Variants in SGSM3 observed in about 807,000 individuals in gnomAD.
SGSM3 encodes small G protein signaling modulator 3.
A neutral mutation model predicts 100.5 loss-of-function variants in SGSM3; 96 were observed. The ratio of observed to expected loss-of-function variants is 0.96; its 90% CI spans 0.81 to 1.13. The LOEUF is 1.13. SGSM3 is among the 50% of genes most tolerant of loss of function. SGSM3 has a pLI of 0.00. For synonymous variants in SGSM3, 483 were observed against 422.8 expected (o/e 1.14, Z -1.75); for missense variants, 1,001 against 1,015.8 (o/e 0.99, Z 0.20).
chr22:40,409,923 G>A lies in SGSM3; in HGVS notation c.*164G>A. Reference sequence around the variant, plus strand: ...CCCCAGCACATCCCAGGTGGTGGGAGCAGAGGGTACCCTGCCCCACCAGGG... The same window carrying A: ...CCCCAGCACATCCCAGGTGGTGGGAACAGAGGGTACCCTGCCCCACCAGGG... On this transcript the variant is annotated 3_prime_UTR_variant, in exon 22 of 22. Coordinates refer to ENST00000248929, the MANE Select transcript of SGSM3 (RefSeq NM_015705.6). 1 of 1,410,550 alleles carries A rather than the reference G, an allele frequency of 7.1e-7. No individual in the cohort carries two copies. The highest frequency in any genetic ancestry group is 9.2e-7 in the Non-Finnish European group (1 of 1,088,592). 87.4% of individuals were successfully genotyped at this position (1,410,550 alleles called of 1,614,324 possible).
At chr22:40,383,164 T>G (rs913978848) in intron 1 of SGSM3, among the ~76,000 whole-genome samples, 3 of 151,990 alleles carry the variant, frequency 2.0e-5, no homozygotes, top group Admixed American at 6.6e-5. Flanking sequence ...ACTAGTAAAG[T>G]GAGATAGAAG....
At chr22:40,408,156 C>A in intron 15 of SGSM3, 36 bp downstream of exon 15, 1 of 1,610,340 alleles carries the variant, frequency 6.2e-7, no homozygotes, top group Non-Finnish European at 8.5e-7. Flanking sequence ...CGGCTGGCAC[C>A]CTTCTAGCCA....
rs1364216379 is a variant in SGSM3, at chr22:40,406,180, C to T, written c.917C>T (p.Ser306Phe). 1.9e-6 allele frequency: 3 copies of T among 1,614,004 alleles called. No individual in the cohort carries two copies. The highest frequency in any genetic ancestry group is 2.7e-5 in the African/African-American group (2 of 74,940). ...RIWDLFFYEGSRVLFQLTLGM... is the reference protein window; with the variant it reads ...RIWDLFFYEGFRVLFQLTLGM... ...TGGGACCTGTTTTTCTACGAGGGCT[C>T]CCGGGTGCTGTTCCAGCTCACGCTG... Residue 306 changes from serine (S) to phenylalanine (F), a missense_variant, in exon 9 of 22, where the codon TCC becomes TTC. Physicochemically the swap from Ser to Phe is radical, Grantham distance 155. Transcript: ENST00000248929.
intron 1 of SGSM3, 57 bp from the exon 2 acceptor site, chr22:40,400,639 G>A: frequency 1.5e-6 from 1 of 675,936 alleles, no homozygotes; most frequent in Non-Finnish European, 2.4e-6. Context: ...GCGAGACTCT[G>A]TCTAAAAAAA....
chr22:40,410,079 T>TATAA lies in SGSM3; in HGVS notation c.*326_*329dup, dbSNP rs1357441283. 1.1e-5 allele frequency: 14 copies of TATAA among 1,235,854 alleles called. No individual in the cohort carries two copies. Among genetic ancestry groups the TATAA allele is most frequent in the South Asian group, 8.1e-5 (3 of 37,006 alleles). 76.6% of individuals were successfully genotyped at this position (1,235,854 alleles called of 1,614,324 possible). ...TAGTAGGCTCCTGGCCTCTTTGGTT[T>TATAA]ATAAATAAACTGTGTCTGTCTTTGA... On this transcript the variant is annotated 3_prime_UTR_variant, in exon 22 of 22. Coordinates refer to ENST00000248929, the MANE Select transcript of SGSM3 (RefSeq NM_015705.6).
intron 1 of SGSM3, among the ~76,000 whole-genome samples, chr22:40,396,145 G>C (rs2050018945): frequency 6.6e-6 from 1 of 151,944 alleles, no homozygotes; most frequent in African/African-American, 2.4e-5. Flanking sequence ...ATCTATAGAA[G>C]CCACATTAAT....
chr22:40,393,399 G>A (rs560866811), intron 1 of SGSM3, among the ~76,000 whole-genome samples: 50 of 152,384 alleles, frequency 3.3e-4, no homozygotes, highest in African/African-American at 1.1e-3. Flanking sequence ...GATTATAGGC[G>A]TGAGCCACTG....
Position 40,404,283 on chromosome 22 carries a change from C to A in SGSM3, c.194C>A (p.Ser65Tyr). Residue 65 changes from serine (S) to tyrosine (Y), a missense_variant, in exon 5 of 22, where the codon TCC becomes TAC. Physicochemically the swap from Ser to Tyr is moderately radical, Grantham distance 144. Transcript: ENST00000248929. ...CCTGGCTCCAGTCTGCTGGCGAACT[C>A]CCCTCTGATGGAGGATGCTCCACAG... ...DEPGSSLLANSPLMEDAPQRL... is the reference protein window; with the variant it reads ...DEPGSSLLANYPLMEDAPQRL... 6.5e-7 allele frequency: 1 copy of A among 1,528,722 alleles called. No homozygotes were observed. Among genetic ancestry groups the A allele is most frequent in the Non-Finnish European group, 8.8e-7 (1 of 1,137,608 alleles). The allele number at this position is 1,528,722 out of a possible 1,614,324, so 94.7% of individuals were successfully genotyped here. A position where few individuals can be genotyped will look rare whatever the true frequency, so the allele number is the denominator to read the frequency against.
At position 40,410,195 on chromosome 22, in the gene SGSM3, C is replaced by T; in HGVS notation, c.*436C>T. On this transcript the variant is annotated 3_prime_UTR_variant, in exon 22 of 22. Coordinates refer to ENST00000248929, the MANE Select transcript of SGSM3 (RefSeq NM_015705.6). The stretch of plus-strand genomic sequence containing the variant: ...CCTTCCTTGAGTGGTCTAGAAGGCA[C>T]TGCGTGGCCCCTCAGATGCTGGGAC... The T allele has an allele frequency of 1.9e-6, 2 of 1,065,292 alleles. No individual in the cohort carries two copies. Among genetic ancestry groups the T allele is most frequent in the Non-Finnish European group, 2.3e-6 (2 of 880,698 alleles). 66.0% of individuals were successfully genotyped at this position (1,065,292 alleles called of 1,614,324 possible).
chr22:40,402,306 T>G (rs2050858184), intron 4 of SGSM3, 101 bp downstream of exon 4: 2 of 874,744 alleles, frequency 2.3e-6, no homozygotes, highest in Admixed American at 3.5e-5. Flanking sequence ...TGAGCTCTGA[T>G]GCGTCAGGGT....
chr22:40,372,119 CCCCT>C (rs2045648813), intron 1 of SGSM3, among the ~76,000 whole-genome samples: 1 of 120,594 alleles, frequency 8.3e-6, no homozygotes, highest in Non-Finnish European at 1.7e-5. Flanking sequence ...CTGTCCCCCC[CCCCT>C]TTTTTTTTTT....
At position 40,407,899 on chromosome 22, in the gene SGSM3, A is replaced by C; in HGVS notation, c.1579+56A>C. Reference sequence around the variant, plus strand: ...AGAGGGAGGAGGGGGTGGGCACAGAAGACTTGGGTGACCCTGGCCGCCACC... The same window carrying C: ...AGAGGGAGGAGGGGGTGGGCACAGACGACTTGGGTGACCCTGGCCGCCACC... On this transcript the variant is annotated intron_variant, in intron 14 of 21. Transcript: ENST00000248929. This position sits in a 1 kb window ranked among gnomAD's most constrained non-coding sequence, Gnocchi z 4.7. 1 of 1,547,808 alleles carries C rather than the reference A, an allele frequency of 6.5e-7. No homozygotes were observed. Among genetic ancestry groups the C allele is most frequent in the East Asian group, 2.3e-5 (1 of 44,408 alleles).
intron 1 of SGSM3, among the ~76,000 whole-genome samples, chr22:40,380,354 A>C (rs1366181505): frequency 6.7e-6 from 1 of 149,914 alleles, no homozygotes; most frequent in Non-Finnish European, 1.5e-5. Context: ...TTTAACCATG[A>C]ATATCTATAA....
chr22:40,408,849 G>C lies in SGSM3; in HGVS notation c.1902+7G>C. Reference sequence around the variant, plus strand: ...GGAGGAGCTGCTCTACCGGGTAAGGGGGCCTCCTCTGCCAGACCCTAGAGA... The same window carrying C: ...GGAGGAGCTGCTCTACCGGGTAAGGCGGCCTCCTCTGCCAGACCCTAGAGA... On this transcript the variant is annotated splice_region_variant and intron_variant, in intron 18 of 21. Transcript: ENST00000248929. 1 of 1,613,896 alleles carries C rather than the reference G, an allele frequency of 6.2e-7. No homozygotes were observed. Among genetic ancestry groups the C allele is most frequent in the Non-Finnish European group, 8.5e-7 (1 of 1,180,030 alleles).
rs750066837 is a variant in SGSM3, at chr22:40,410,112, C to G, written c.*353C>G. ...AACTGTGTCTGTCTTTGAGAAAGCA[C>G]CTACCTGTCTTCTGTGCAGCTAGGG... On this transcript the variant is annotated 3_prime_UTR_variant, in exon 22 of 22. Coordinates refer to ENST00000248929, the MANE Select transcript of SGSM3 (RefSeq NM_015705.6). 3.5e-6 allele frequency: 4 copies of G among 1,157,206 alleles called. No homozygotes were observed. The highest frequency in any genetic ancestry group is 1.6e-5 in the African/African-American group (1 of 62,600). The allele number at this position is 1,157,206 out of a possible 1,614,324, so 71.7% of individuals were successfully genotyped here.
At chr22:40,378,451 G>T (rs145558169) in intron 1 of SGSM3, among the ~76,000 whole-genome samples, 1 of 150,726 alleles carries the variant, frequency 6.6e-6, no homozygotes, top group African/African-American at 2.4e-5. Flanking sequence ...TAATATGGCC[G>T]GGCACGGTGG....
chr22:40,387,411 T>C (rs1023023574), intron 1 of SGSM3: 13 of 385,730 alleles, frequency 3.4e-5, no homozygotes, highest in African/African-American at 6.2e-5. Context: ...AAAGATGAGA[T>C]AGTTTGTTGA....
Position 40,401,695 on chromosome 22 carries a change from A to G in SGSM3, c.90+20A>G. The G allele has an allele frequency of 6.2e-7, 1 of 1,600,738 alleles. No individual in the cohort carries two copies. Among genetic ancestry groups the G allele is most frequent in the Non-Finnish European group, 8.6e-7 (1 of 1,169,156 alleles). On this transcript the variant is annotated intron_variant, in intron 3 of 21. Transcript: ENST00000248929. ...ACGCAGGTATAGCAGTTAGCCAGGC[A>G]CCAGCCTGCTGTGCTCCCACGCTGT...
At chr22:40,399,854 T>A (rs1350955088) in intron 1 of SGSM3, among the ~76,000 whole-genome samples, 1 of 152,238 alleles carries the variant, frequency 6.6e-6, no homozygotes, top group Non-Finnish European at 1.5e-5. Flanking sequence ...CCAAAGCCTC[T>A]GTAACAGTCA....
Sources: allele counts gnomAD v4.1 joint callset (sites outside exome capture counted in the v4.1 genomes callset), GRCh38; gene constraint gnomAD v4.1.1; non-coding constraint Gnocchi (gnomAD v3.1); transcripts MANE v1.5; gene names NCBI Gene and HGNC (gene_info 2026-07-23, HGNC 2026-07-21).